LINGO2: variants seen among roughly 807,000 people sequenced by gnomAD.
LINGO2 encodes the protein leucine rich repeat and Ig domain containing 2.
A neutral mutation model predicts 30.6 loss-of-function variants in LINGO2; 14 were observed. The ratio of observed to expected loss-of-function variants is 0.46; its 90% CI spans 0.30 to 0.72. The LOEUF (loss-of-function observed/expected upper bound fraction) is 0.72, where lower values mean the gene tolerates loss of function less well. Ranked by LOEUF, LINGO2 falls within the 30% of genes least tolerant of loss-of-function variation. The probability of loss-of-function intolerance (pLI) is 0.07; values close to 1 mark genes in which losing one functional copy is unlikely to be tolerated. For missense variants in LINGO2, 729 were observed against 751.7 expected, an observed-to-expected ratio of 0.97 and a Z score of 0.35; for synonymous variants, 317 against 288.5, an observed-to-expected ratio of 1.10 and a Z score of -1.00.
the LINGO2 span, among the ~76,000 whole-genome samples, chr9:28,861,235 A>T: frequency 6.6e-4 from 75 of 112,846 alleles, no homozygotes; most frequent in African/African-American, 2.5e-3. Flanking sequence ...TAAATATATA[A>T]TATATATTTT....
chr9:28,623,467 G>A (rs1205532887), intron 1 of LINGO2, among the ~76,000 whole-genome samples: 1 of 151,974 alleles, frequency 6.6e-6, no homozygotes, highest in East Asian at 1.9e-4. Flanking sequence ...CCCAGTGTAT[G>A]TTCTTGGCAC....
chr9:29,019,150 A>C, the LINGO2 span, among the ~76,000 whole-genome samples: 30 of 152,282 alleles, frequency 2.0e-4, no homozygotes, highest in South Asian at 6.2e-3. Context: ...CATTTTGGGA[A>C]TATAAATAAA....
the LINGO2 span, among the ~76,000 whole-genome samples, chr9:28,949,216 A>G: frequency 6.6e-6 from 1 of 152,124 alleles, no homozygotes; most frequent in Non-Finnish European, 1.5e-5. Context: ...CCAAGAGCAA[A>G]CTAATTCAAA....
rs562702294 is a variant in LINGO2 at position 28,214,732 on chromosome 9, G to T, written c.-87+80476C>A. On this transcript the variant is annotated intron_variant, in intron 4 of 5. Transcript: ENST00000379992. ...AGCTGTAAGGTATAATTGTCCAAAT[G>T]TAAGTGTAAATTCATGCTCTGCAAG... Among the ~76,000 whole-genome samples the T allele has an allele frequency of 1.6e-4, 24 of 151,760 alleles. No individual in the cohort carries two copies. In the South Asian group the frequency reaches 5.0e-3, roughly 31 times the overall value.
chr9:28,519,519 A>T (rs1157066035), intron 1 of LINGO2, among the ~76,000 whole-genome samples: 1 of 152,220 alleles, frequency 6.6e-6, no homozygotes, highest in African/African-American at 2.4e-5. Flanking sequence ...ACTCTGCTCA[A>T]CAAATCATTC....
At chr9:29,088,331 C>T in the LINGO2 span, among the ~76,000 whole-genome samples, 5 of 152,028 alleles carry the variant, frequency 3.3e-5, no homozygotes, top group African/African-American at 7.2e-5. Flanking sequence ...ATGGCAAAAC[C>T]GGTACTGCTC....
chr9:28,938,949 G>A, the LINGO2 span, among the ~76,000 whole-genome samples: 560 of 152,294 alleles, frequency 3.7e-3, 3 homozygotes, highest in Non-Finnish European at 6.0e-3. Context: ...AGTAGAAACT[G>A]TTCAATAGCA....
At chr9:28,507,077 G>A (rs1489279099) in intron 1 of LINGO2, among the ~76,000 whole-genome samples, 1 of 152,046 alleles carries the variant, frequency 6.6e-6, no homozygotes, top group African/African-American at 2.4e-5. Flanking sequence ...TCAAGGTCTA[G>A]GAAGGCAGCA....
chr9:28,908,413 G>T, the LINGO2 span, among the ~76,000 whole-genome samples: 1 of 151,822 alleles, frequency 6.6e-6, no homozygotes, highest in South Asian at 2.1e-4. Context: ...CAATAAGAAT[G>T]ATTGCTCTCT....
the LINGO2 span, among the ~76,000 whole-genome samples, chr9:28,935,019 C>T: frequency 0.74 from 112,519 of 151,938 alleles, 41,796 homozygotes; most frequent in Non-Finnish European, 0.78. Context: ...AAAGAAACCA[C>T]GTCAAAATCC....
chr9:28,529,148 G>C (rs563188220), intron 1 of LINGO2, among the ~76,000 whole-genome samples: 2 of 152,074 alleles, frequency 1.3e-5, no homozygotes, highest in African/African-American at 2.4e-5. Flanking sequence ...CATAAACATC[G>C]TAATGACCCA....
chr9:28,072,117 A>C (rs1825496058), intron 4 of LINGO2, among the ~76,000 whole-genome samples: 1 of 150,612 alleles, frequency 6.6e-6, no homozygotes, highest in Admixed American at 6.6e-5. Context: ...ATTCTGGATG[A>C]ATAATAAAGA....
the LINGO2 span, among the ~76,000 whole-genome samples, chr9:28,963,535 T>C: frequency 1.0e-5 from 1 of 99,710 alleles, no homozygotes; most frequent in Non-Finnish European, 2.0e-5. Flanking sequence ...GCAAATGTGG[T>C]ATATGAATAC....
the LINGO2 span, among the ~76,000 whole-genome samples, chr9:29,055,808 T>C: frequency 3.3e-5 from 5 of 151,902 alleles, no homozygotes; most frequent in Admixed American, 3.3e-4. Context: ...AGTGAGAACA[T>C]GCGATGTTTG....
the LINGO2 span, among the ~76,000 whole-genome samples, chr9:29,132,928 C>A: frequency 1.3e-5 from 2 of 151,746 alleles, no homozygotes; most frequent in Non-Finnish European, 2.9e-5. Context: ...ACTTTGTTGC[C>A]CAGGCTGAAG....
intron 4 of LINGO2, among the ~76,000 whole-genome samples, chr9:28,021,652 C>A (rs1160150096): frequency 2.6e-5 from 4 of 151,958 alleles, no homozygotes; most frequent in African/African-American, 9.7e-5. Context: ...TCAGTTTTGC[C>A]TCTTATTTTG....
chr9:28,185,744 T>C (rs1819517954), intron 4 of LINGO2, among the ~76,000 whole-genome samples: 1 of 152,142 alleles, frequency 6.6e-6, no homozygotes, highest in Non-Finnish European at 1.5e-5. Context: ...CTCCTAGGGA[T>C]TTACAGTCCA....
chr9:28,618,076 G>T (rs958115131), intron 1 of LINGO2, among the ~76,000 whole-genome samples: 4 of 152,222 alleles, frequency 2.6e-5, no homozygotes, highest in African/African-American at 9.6e-5. Flanking sequence ...CAGCAACGCA[G>T]GAGCTCAAGA....
chr9:28,243,762 A>G (rs189953131), intron 4 of LINGO2, among the ~76,000 whole-genome samples: 29 of 152,320 alleles, frequency 1.9e-4, no homozygotes, highest in Admixed American at 1.8e-3. Context: ...GAACAATTCA[A>G]CAAGAGGAGC....
Sources: gnomAD v4.1 joint callset for allele counts (sites outside exome capture counted in the v4.1 genomes callset) on GRCh38, gnomAD v4.1.1 for gene constraint, MANE v1.5 for transcripts, NCBI Gene and HGNC (gene_info 2026-07-23, HGNC 2026-07-21) for gene names.